The following NKAIN2 variants were observed in gnomAD, a reference collection of about 807,000 sequenced individuals.
NKAIN2 encodes the protein sodium/potassium-transporting ATPase subunit beta-1-interacting protein 2.
A neutral mutation model predicts 32.6 loss-of-function variants in NKAIN2; 14 were observed. That is an observed-to-expected ratio of 0.43 (90% confidence interval 0.28 to 0.67). The LOEUF (loss-of-function observed/expected upper bound fraction) is 0.67. NKAIN2 is among the 30% of genes least tolerant of loss of function. The pLI, the probability that NKAIN2 is intolerant of heterozygous loss-of-function variation, is 0.17. For synonymous variants in NKAIN2, 80 were observed against 87.2 expected (o/e 0.92, Z 0.46); for missense variants, 198 against 258.3 (o/e 0.77, Z 1.60).
At chr6:124,123,188 G>T (rs1238044635) in intron 1 of NKAIN2, among the ~76,000 whole-genome samples, 2 of 151,738 alleles carry the variant, frequency 1.3e-5, no homozygotes, top group Non-Finnish European at 2.9e-5. Flanking sequence ...TGTGTTAAAG[G>T]TCACCTTAAA....
intron 1 of NKAIN2, among the ~76,000 whole-genome samples, chr6:124,202,432 C>A (rs2114629758): frequency 6.6e-6 from 1 of 151,890 alleles, no homozygotes; most frequent in African/African-American, 2.4e-5. Flanking sequence ...TACACAAAAT[C>A]TTTGTGGACT....
chr6:124,370,278 T>C (rs6938403), intron 3 of NKAIN2, among the ~76,000 whole-genome samples: 12,246 of 151,760 alleles, frequency 0.081, 494 homozygotes, highest in African/African-American at 0.1. Context: ...ATATTTAAGT[T>C]TCAGCGTAGC....
chr6:123,891,811 T>A (rs759829225), intron 1 of NKAIN2, among the ~76,000 whole-genome samples: 1 of 152,252 alleles, frequency 6.6e-6, no homozygotes, highest in East Asian at 1.9e-4. Context: ...TTTCTATTTC[T>A]TGCTTTACTT....
chr6:124,435,587 C>T (rs75591830), intron 3 of NKAIN2, among the ~76,000 whole-genome samples: 6,253 of 152,132 alleles, frequency 0.041, 459 homozygotes, highest in African/African-American at 0.14. Context: ...AGTCTCACAG[C>T]TAGTAAGTGA....
intron 3 of NKAIN2, among the ~76,000 whole-genome samples, chr6:124,358,226 A>G (rs996146153): frequency 6.6e-6 from 1 of 152,120 alleles, no homozygotes; most frequent in Admixed American, 6.6e-5. Flanking sequence ...AATAGTGCCG[A>G]AATAAACATA....
intron 2 of NKAIN2, among the ~76,000 whole-genome samples, chr6:124,308,685 G>A (rs1295016733): frequency 6.6e-6 from 1 of 152,084 alleles, no homozygotes; most frequent in Non-Finnish European, 1.5e-5. Flanking sequence ...CTCCTCTTAA[G>A]TATATTCACC....
intron 1 of NKAIN2, among the ~76,000 whole-genome samples, chr6:124,259,492 C>G (rs182967635): frequency 6.6e-6 from 1 of 152,184 alleles, no homozygotes; most frequent in Non-Finnish European, 1.5e-5. Flanking sequence ...AAGACTATTA[C>G]CATCAGTTCT....
intron 3 of NKAIN2, among the ~76,000 whole-genome samples, chr6:124,628,084 C>G (rs890133748): frequency 3.3e-5 from 5 of 152,136 alleles, no homozygotes; most frequent in African/African-American, 1.2e-4. Context: ...TGCAGCCACA[C>G]AGAGCTACTC....
chr6:124,815,289 T>TATATGTGTATATATATGTATATATG (rs1781111652), intron 5 of NKAIN2, among the ~76,000 whole-genome samples: 4 of 149,492 alleles, frequency 2.7e-5, no homozygotes, highest in Admixed American at 6.7e-5. Context: ...TATGTATATA[T>TATATGTGTATATATATGTATATATG]TTGAGACGGA....
At chr6:124,816,291 T>A (rs1781160163) in intron 5 of NKAIN2, among the ~76,000 whole-genome samples, 2 of 152,066 alleles carry the variant, frequency 1.3e-5, no homozygotes, top group South Asian at 4.1e-4. Context: ...GAGGAAAGGA[T>A]GATTAGGAGG....
intron 3 of NKAIN2, among the ~76,000 whole-genome samples, chr6:124,391,548 C>T (rs1177533358): frequency 2.6e-5 from 4 of 152,112 alleles, no homozygotes; most frequent in South Asian, 2.1e-4. Context: ...ATTCTGAGAT[C>T]GCTTCTGCTT....
chr6:123,930,828 A>G (rs552042564), intron 1 of NKAIN2, among the ~76,000 whole-genome samples: 1 of 152,338 alleles, frequency 6.6e-6, no homozygotes, highest in Admixed American at 6.5e-5. Flanking sequence ...AGGCACAGGT[A>G]GGACTAAATG....
chr6:124,568,153 G>T (rs955100988), intron 3 of NKAIN2, among the ~76,000 whole-genome samples: 1 of 152,208 alleles, frequency 6.6e-6, no homozygotes, highest in African/African-American at 2.4e-5. Context: ...TGACCCCAAA[G>T]CCTCAGTGGA....
At chr6:124,401,042 A>G (rs1773602576) in intron 3 of NKAIN2, among the ~76,000 whole-genome samples, 2 of 152,190 alleles carry the variant, frequency 1.3e-5, no homozygotes, top group African/African-American at 4.8e-5. Context: ...GACACAATGC[A>G]TTGGTCTGTT....
At chr6:124,066,575 A>AAG (rs1783191062) in intron 1 of NKAIN2, among the ~76,000 whole-genome samples, 3 of 152,194 alleles carry the variant, frequency 2.0e-5, no homozygotes, top group South Asian at 4.1e-4. Context: ...TTAGTCTTTA[A>AAG]AAATAGCATG....
intron 1 of NKAIN2, among the ~76,000 whole-genome samples, chr6:123,988,574 T>G (rs1373846360): frequency 6.6e-6 from 1 of 152,222 alleles, no homozygotes; most frequent in Non-Finnish European, 1.5e-5. Flanking sequence ...CACTTGCTTC[T>G]GGTAGTTGAC....
intron 3 of NKAIN2, among the ~76,000 whole-genome samples, chr6:124,478,793 A>C (rs572012558): frequency 6.4e-4 from 97 of 152,312 alleles, no homozygotes; most frequent in African/African-American, 2.3e-3. Flanking sequence ...AGGCATGACT[A>C]TTCATTCCTT....
chr6:124,198,859 A>G (rs1236710770), intron 1 of NKAIN2, among the ~76,000 whole-genome samples: 1 of 152,104 alleles, frequency 6.6e-6, no homozygotes, highest in Non-Finnish European at 1.5e-5. Context: ...ATTTGGTTGC[A>G]TTATGACTAT....
intron 3 of NKAIN2, among the ~76,000 whole-genome samples, chr6:124,543,590 C>T (rs545381581): frequency 1.3e-5 from 2 of 152,196 alleles, no homozygotes; most frequent in South Asian, 2.1e-4. Flanking sequence ...TTGACTGACA[C>T]ACCACAACAC....
Sources: gnomAD v4.1 joint callset for allele counts (sites outside exome capture counted in the v4.1 genomes callset) on GRCh38, gnomAD v4.1.1 for gene constraint, MANE v1.5 for transcripts, NCBI Gene and HGNC (gene_info 2026-07-23, HGNC 2026-07-21) for gene names.